The following KIF5A variants were observed in gnomAD, a reference collection of about 807,000 sequenced individuals.
KIF5A encodes kinesin family member 5A, also known as kinesin heavy chain isoform 5A.
Under a neutral mutation model 141.3 loss-of-function variants are expected in KIF5A, and 35 were observed. The ratio of observed to expected loss-of-function variants is 0.25; its 90% CI spans 0.19 to 0.33. The LOEUF is 0.33. Ranked by LOEUF, KIF5A falls within the 10% of genes least tolerant of loss-of-function variation. KIF5A has a pLI of 1.00. For synonymous variants in KIF5A, 448 were observed against 500.2 expected, an observed-to-expected ratio of 0.90 and a Z score of 1.39; for missense variants, 861 against 1,314.3, an observed-to-expected ratio of 0.66 and a Z score of 5.33.
chr12:57,583,584 C>T (rs1882672691), intron 28 of KIF5A, among the ~76,000 whole-genome samples: 1 of 152,180 alleles, frequency 6.6e-6, no homozygotes, highest in South Asian at 2.1e-4. Flanking sequence ...ATCTCAACCC[C>T]ACCTCTTCCT....
chr12:57,567,970 C>T (rs543330905), intron 8 of KIF5A, among the ~76,000 whole-genome samples: 2 of 151,702 alleles, frequency 1.3e-5, no homozygotes, highest in African/African-American at 4.8e-5. Flanking sequence ...GCAACCCCTG[C>T]CTCCCAGGTT....
At chr12:57,553,110 A>T (rs150311988) in intron 1 of KIF5A, among the ~76,000 whole-genome samples, 19 of 152,184 alleles carry the variant, frequency 1.2e-4, no homozygotes, top group Admixed American at 3.3e-4. Context: ...GCACACTCAG[A>T]ATCCAGTGTG....
chr12:57,567,639 G>T, intron 8 of KIF5A, 21 bp downstream of exon 8: 1 of 1,605,538 alleles, frequency 6.2e-7, no homozygotes, highest in Non-Finnish European at 8.5e-7. Flanking sequence ...CTGTGGATAT[G>T]GGGTGGGTGG....
rs1245070281 is a variant in KIF5A, at chr12:57,572,112, C to T, written c.1414C>T (p.His472Tyr). Residue 472 changes from histidine (H) to tyrosine (Y), a missense_variant, in exon 14 of 29, where the codon CAC (histidine) becomes TAC (tyrosine). This residue lies in a region of KIF5A where 167 missense variants were observed against 192.0 expected (regional missense o/e 0.87). Coordinates refer to ENST00000455537, the MANE Select transcript of KIF5A (RefSeq NM_004984.4). This position sits in a 1 kb window ranked among gnomAD's most constrained non-coding sequence, Gnocchi z 4.2. ...DNEKVQRELSHLQSENDAAKD... is the reference protein window; with the variant it reads ...DNEKVQRELSYLQSENDAAKD... ...CGAGAAGGTCCAGCGGGAGCTGAGCCACCTGCAATCAGAGAACGATGCCGC... is the reference window on the plus strand; with the variant it reads ...CGAGAAGGTCCAGCGGGAGCTGAGCTACCTGCAATCAGAGAACGATGCCGC... 1 of 1,614,074 alleles carries T rather than the reference C, an allele frequency of 6.2e-7. No individual in the cohort carries two copies. Among genetic ancestry groups the T allele is most frequent in the Non-Finnish European group, 8.5e-7 (1 of 1,180,038 alleles).
chr12:57,583,171 G>C lies in KIF5A; in HGVS notation c.3091G>C (p.Ala1031Pro), dbSNP rs749631031. 3.7e-6 allele frequency: 6 copies of C among 1,613,814 alleles called. No homozygotes were observed. The highest frequency in any genetic ancestry group is 5.1e-6 in the Non-Finnish European group (6 of 1,179,852). ...KLFPLHQETA[A>P]S is the part of the protein sequence containing the mutation. ...TTTCCCTCTCCACCAAGAGACAGCA[G>C]CCAGCTAATCTCCCACACCCACGGC... is the stretch of plus-strand genomic sequence containing the variant. Residue 1031 changes from alanine to proline, a missense_variant, in exon 28 of 29, where the codon GCC becomes CCC. Around this residue, in one of 5 missense-constraint regions of KIF5A, gnomAD observed 482 missense variants for 661.3 expected, o/e 0.73. Coordinates refer to ENST00000455537, the MANE Select transcript of KIF5A (RefSeq NM_004984.4).
In KIF5A at chr12:57,585,178, G is replaced by T. The variant is rs1640293824; in HGVS notation, c.*997G>T. 6.5e-6 allele frequency: 1 copy of T among 153,728 alleles called. No homozygotes were observed. The highest frequency in any genetic ancestry group is 2.4e-5 in the African/African-American group (1 of 41,416). The allele number at this position is 153,728 out of a possible 1,614,324, so 9.5% of individuals were successfully genotyped here. A position where few individuals can be genotyped will look rare whatever the true frequency, so the allele number is the denominator to read the frequency against. On this transcript the variant is annotated 3_prime_UTR_variant, in exon 29 of 29. Transcript: ENST00000455537. Reference sequence around the variant, plus strand: ...CTGGATTTCTTTCTTGTTCCATACTGGGCGGCATGCTCCTCCCATCTCCAC... The same window carrying T: ...CTGGATTTCTTTCTTGTTCCATACTTGGCGGCATGCTCCTCCCATCTCCAC...
At chr12:57,552,317 A>G (rs1482515189) in intron 1 of KIF5A, among the ~76,000 whole-genome samples, 1 of 152,108 alleles carries the variant, frequency 6.6e-6, no homozygotes, top group Non-Finnish European at 1.5e-5. Flanking sequence ...TTGTTAGCCC[A>G]GCTAAACAGG....
In KIF5A at chr12:57,564,006, G is replaced by A. The variant is rs1881989216; in HGVS notation, c.292-102G>A. ...TGGTGACCATCTCCTAACTTAGGAT[G>A]TTCTTCTTATTGACTCTTGCCTTGG... On this transcript the variant is annotated intron_variant, in intron 3 of 28. Coordinates refer to ENST00000455537, the MANE Select transcript of KIF5A (RefSeq NM_004984.4). 2.5e-5 allele frequency: 21 copies of A among 850,160 alleles called. No individual in the cohort carries two copies. The South Asian group carries it at 2.9e-4, about 12-fold the overall frequency. 52.7% of individuals were successfully genotyped at this position (850,160 alleles called of 1,614,324 possible).
chr12:57,581,166 C>G lies in KIF5A; in HGVS notation c.2749C>G (p.Gln917Glu). The change falls in exon 24 of 29, where the codon CAG (glutamine) becomes GAG (glutamate). Residue 917 changes from glutamine (Q) to glutamate (E), a missense_variant. Transcript: ENST00000455537. ...KSSGKRGHSAQIAKPVRPGHY... is the reference protein window; with the variant it reads ...KSSGKRGHSAEIAKPVRPGHY... The stretch of plus-strand genomic sequence containing the variant: ...CTCGGGCAAACGGGGCCATTCTGCC[C>G]AGATTGGTGAGTAGGTGTTAGCAGG... 6.2e-7 allele frequency: 1 copy of G among 1,613,404 alleles called. No homozygotes were observed. Among genetic ancestry groups the G allele is most frequent in the South Asian group, 1.1e-5 (1 of 90,980 alleles).
chr12:57,576,243 T>C (rs559611203), intron 18 of KIF5A, 26 bp from the exon 19 acceptor site: 3 of 1,613,172 alleles, frequency 1.9e-6, no homozygotes, highest in Middle Eastern at 3.3e-4. Context: ...GTCTGGCCTT[T>C]GAGCTTGGGG....
chr12:57,568,396 C>A (rs1882136596), intron 8 of KIF5A, among the ~76,000 whole-genome samples: 5 of 152,140 alleles, frequency 3.3e-5, no homozygotes, highest in Admixed American at 2.0e-4. Context: ...TACTTTCTGT[C>A]TCTATGGATT....
chr12:57,551,986 T>C (rs1216874631), intron 1 of KIF5A, among the ~76,000 whole-genome samples: 1 of 152,014 alleles, frequency 6.6e-6, no homozygotes, highest in Non-Finnish European at 1.5e-5. Context: ...GTCTGTTCAG[T>C]CTGGCTGGGC....
chr12:57,576,315 G>T lies in KIF5A; in HGVS notation c.2135G>T (p.Arg712Leu), dbSNP rs373969485. The T allele has an allele frequency of 6.2e-7, 1 of 1,614,042 alleles. No homozygotes were observed. Among genetic ancestry groups the T allele is most frequent in the South Asian group, 1.1e-5 (1 of 91,066 alleles). ...QMESHREAHH[R>L]QLARLRDEIN... ...GAGAGTCACCGGGAGGCCCATCACC[G>T]GCAGCTGGCCCGGCTCCGGGACGAG... The change falls in exon 19 of 29, where the codon CGG becomes CTG. Residue 712 changes from arginine to leucine, a missense_variant. Around this residue, in one of 5 missense-constraint regions of KIF5A, gnomAD observed 482 missense variants for 661.3 expected, o/e 0.73. Coordinates refer to ENST00000455537, the MANE Select transcript of KIF5A (RefSeq NM_004984.4).
intron 1 of KIF5A, among the ~76,000 whole-genome samples, chr12:57,555,919 A>AG (rs1476326384): frequency 1.3e-5 from 2 of 149,190 alleles, no homozygotes; most frequent in Non-Finnish European, 3.0e-5. Flanking sequence ...AAAAAAAAAA[A>AG]AAAAAGAAAA....
Position 57,572,869 on chromosome 12 carries a change from T to G in KIF5A, c.1716+143T>G, listed in dbSNP as rs1016784697. The G allele has an allele frequency of 2.0e-6, 2 of 1,014,712 alleles. No homozygotes were observed. The highest frequency in any genetic ancestry group is 3.2e-5 in the African/African-American group (2 of 63,476). The allele number at this position is 1,014,712 out of a possible 1,614,324, so 62.9% of individuals were successfully genotyped here. A position where few individuals can be genotyped will look rare whatever the true frequency, so the allele number is the denominator to read the frequency against. ...TTTGAACTAGACCCAGGAAGACAGG[T>G]AGAGGCTTGTATAGACCCAATTGAA... On this transcript the variant is annotated intron_variant, in intron 15 of 28. Coordinates refer to ENST00000455537, the MANE Select transcript of KIF5A (RefSeq NM_004984.4). This position sits in a 1 kb window ranked among gnomAD's most constrained non-coding sequence, Gnocchi z 4.2.
chr12:57,574,988 C>A (rs1435422023), intron 15 of KIF5A, 96 bp from the exon 16 acceptor site: 16 of 1,075,162 alleles, frequency 1.5e-5, no homozygotes, highest in Non-Finnish European at 2.9e-6. Flanking sequence ...TGAGTCCCTG[C>A]GTATGTGGGT....
At chr12:57,563,914 G>A (rs1195439145) in intron 3 of KIF5A, among the ~76,000 whole-genome samples, 194 bp from the exon 4 acceptor site, 7 of 152,136 alleles carry the variant, frequency 4.6e-5, no homozygotes, top group Admixed American at 4.6e-4. Context: ...TCTTTTGATC[G>A]GGAAAAGCAA....
At position 57,572,428 on chromosome 12, in the gene KIF5A, T is replaced by C. The variant is rs147045563; in HGVS notation, c.1570-152T>C. 487 of 1,268,238 alleles carry C rather than the reference T, an allele frequency of 3.8e-4. 3 individuals are homozygous for C. In the East Asian group the frequency reaches 0.012, roughly 31 times the overall value. 78.6% of individuals were successfully genotyped at this position (1,268,238 alleles called of 1,614,324 possible). Reference sequence around the variant, plus strand: ...CCAACCCTGTCACTGCACTTTCCCCTCACAGTCCCTCTGTCTTTCAGACTC... The same window carrying C: ...CCAACCCTGTCACTGCACTTTCCCCCCACAGTCCCTCTGTCTTTCAGACTC... On this transcript the variant is annotated intron_variant, in intron 14 of 28. Coordinates refer to ENST00000455537, the MANE Select transcript of KIF5A (RefSeq NM_004984.4). The surrounding 1 kb of genome is among the most constrained non-coding windows in gnomAD (Gnocchi z 4.2).
rs1283311048 is a variant in KIF5A at position 57,569,297 on chromosome 12, T to C, written c.861T>C (p.Ile287=). 16 of 1,613,810 alleles carry C rather than the reference T, an allele frequency of 9.9e-6. No individual in the cohort carries two copies. Among genetic ancestry groups the C allele is most frequent in the Non-Finnish European group, 1.4e-5 (16 of 1,179,944 alleles). ...ATCGTGACAGCAAAATGACAAGGAT[T>C]CTCCAGGACTCTCTCGGGGGAAACT... ...VPYRDSKMTR[I]LQDSLGGNCR... Residue 287 remains isoleucine, a synonymous_variant, in exon 10 of 29, where the codon ATT becomes ATC. Transcript: ENST00000455537.
Sources: gnomAD v4.1 joint callset for allele counts (sites outside exome capture counted in the v4.1 genomes callset) on GRCh38, gnomAD v4.1.1 for gene constraint, gnomAD v4.1.1 regional missense constraint, Gnocchi (gnomAD v3.1) non-coding constraint, MANE v1.5 for transcripts, NCBI Gene and HGNC (gene_info 2026-07-23, HGNC 2026-07-21) for gene names.